The following SMIM19 variants were observed in gnomAD, a reference collection of about 807,000 sequenced individuals.
SMIM19 encodes small integral membrane protein 19.
Under a neutral mutation model 13.2 loss-of-function variants are expected in SMIM19, and 6 were observed. That is an observed-to-expected ratio of 0.45 (90% CI 0.25 to 0.90). The LOEUF is 0.90. Among genes scored for constraint, SMIM19 ranks in the 40% least tolerant of loss-of-function variants. The pLI, the probability that SMIM19 is intolerant of heterozygous loss-of-function variation, is 0.19. For missense variants in SMIM19, 138 were observed against 131.0 expected (o/e 1.05, Z -0.26); for synonymous variants, 46 against 43.1 (o/e 1.07, Z -0.27).
chr8:42,550,175 G>A (rs1213186448), intron 3 of SMIM19, among the ~76,000 whole-genome samples: 2 of 151,900 alleles, frequency 1.3e-5, no homozygotes, highest in East Asian at 1.9e-4. Context: ...TTATTGACAC[G>A]TACACAAAAG....
chr8:42,547,799 TC>T (rs1449861105), intron 2 of SMIM19, among the ~76,000 whole-genome samples: 6 of 152,180 alleles, frequency 3.9e-5, no homozygotes, highest in Non-Finnish European at 8.8e-5. Context: ...TTTTCCACAT[TC>T]CCTGGCTCCT....
chr8:42,542,638 C>T (rs1199530431), intron 1 of SMIM19, among the ~76,000 whole-genome samples: 2 of 152,028 alleles, frequency 1.3e-5, no homozygotes, highest in Non-Finnish European at 2.9e-5. Context: ...GATTTTAAAG[C>T]TTATGATACA....
intron 2 of SMIM19, among the ~76,000 whole-genome samples, chr8:42,548,180 C>T (rs996023642): frequency 2.6e-5 from 4 of 152,132 alleles, no homozygotes; most frequent in Non-Finnish European, 5.9e-5. Flanking sequence ...AGCAGAGGCA[C>T]GCTGTTCTTA....
intron 1 of SMIM19, among the ~76,000 whole-genome samples, chr8:42,545,038 G>A (rs1489629755): frequency 1.3e-5 from 2 of 152,180 alleles, no homozygotes; most frequent in African/African-American, 4.8e-5. Context: ...GAAAATGACT[G>A]ATTCTCAGAA....
At chr8:42,543,513 T>G (rs1193372466) in intron 1 of SMIM19, among the ~76,000 whole-genome samples, 1 of 152,250 alleles carries the variant, frequency 6.6e-6, no homozygotes, top group East Asian at 1.9e-4. Context: ...ATATAGGTTG[T>G]ATAATTCACG....
chr8:42,545,334 G>A (rs1237704989), intron 1 of SMIM19, among the ~76,000 whole-genome samples: 2 of 152,218 alleles, frequency 1.3e-5, no homozygotes, highest in Non-Finnish European at 1.5e-5. Context: ...TGTCACAGCT[G>A]TGTCAATAGC....
intron 3 of SMIM19, among the ~76,000 whole-genome samples, chr8:42,551,531 C>T (rs1197680301): frequency 6.6e-6 from 1 of 151,970 alleles, no homozygotes; most frequent in Non-Finnish European, 1.5e-5. Flanking sequence ...CAACAATAAG[C>T]CTGTTAGGTT....
chr8:42,547,435 A>G (rs753989267), intron 2 of SMIM19, among the ~76,000 whole-genome samples: 3 of 152,142 alleles, frequency 2.0e-5, no homozygotes, highest in Non-Finnish European at 4.4e-5. Context: ...CAGCTGCACT[A>G]AACTCTCAAT....
chr8:42,548,892 T>A (rs899466604), intron 3 of SMIM19, 112 bp downstream of exon 3: 2 of 1,149,582 alleles, frequency 1.7e-6, no homozygotes, highest in Non-Finnish European at 2.4e-6. Context: ...GAAAACTTAG[T>A]ACTTCTTTCA....
chr8:42,553,535 C>T lies in SMIM19; in HGVS notation c.*927C>T, dbSNP rs776395762. The T allele has an allele frequency of 1.3e-5, 2 of 152,178 alleles. No homozygotes were observed. The highest frequency in any genetic ancestry group is 2.9e-5 in the Non-Finnish European group (2 of 68,038). 9.4% of individuals were successfully genotyped at this position (152,178 alleles called of 1,614,324 possible). ...GGCATGCTAAGCTTTCCTAAAGAGC[C>T]TCATATCTTTTCCCATGCTGTACTG... On this transcript the variant is annotated 3_prime_UTR_variant, in exon 4 of 4. Coordinates refer to ENST00000417410, the MANE Select transcript of SMIM19 (RefSeq NM_001135674.2).
At chr8:42,546,259 T>C (rs1813478223) in intron 1 of SMIM19, among the ~76,000 whole-genome samples, 1 of 152,252 alleles carries the variant, frequency 6.6e-6, no homozygotes, top group South Asian at 2.1e-4. Context: ...TGGTTGATTA[T>C]GTGGATGCAG....
At position 42,541,778 on chromosome 8, in the gene SMIM19, C is replaced by T. The variant is rs1267808341; in HGVS notation, c.-600C>T. ...GTCACCCGGCCCCGCCCCGCGCCGC[C>T]CGCCCCGCCCCGGACGCGGGGGTAA... On this transcript the variant is annotated 5_prime_UTR_variant, in exon 1 of 4. Coordinates refer to ENST00000417410, the MANE Select transcript of SMIM19 (RefSeq NM_001135674.2). 1.3e-5 allele frequency: 2 copies of T among 150,276 alleles called. No individual in the cohort carries two copies. The highest frequency in any genetic ancestry group is 2.1e-4 in the South Asian group (1 of 4,832). 9.3% of individuals were successfully genotyped at this position (150,276 alleles called of 1,614,324 possible).
intron 2 of SMIM19, among the ~76,000 whole-genome samples, chr8:42,547,204 A>T (rs999574447): frequency 7.9e-5 from 12 of 151,992 alleles, no homozygotes; most frequent in African/African-American, 2.2e-4. Flanking sequence ...TACTAAAAAT[A>T]AAAAAATTAG....
At position 42,541,737 on chromosome 8, in the gene SMIM19, T is replaced by C. The variant is rs1473084344; in HGVS notation, c.-641T>C. On this transcript the variant is annotated 5_prime_UTR_variant, in exon 1 of 4. Transcript: ENST00000417410. ...GGCCCCGCGTCCCCGCTTCTCCCGG[T>C]CCCCGGCGGGGCCGCGTCACCCGGC... 1 of 146,708 alleles carries C rather than the reference T, an allele frequency of 6.8e-6. No homozygotes were observed. Among genetic ancestry groups the C allele is most frequent in the Non-Finnish European group, 1.5e-5 (1 of 66,350 alleles). 9.1% of individuals were successfully genotyped at this position (146,708 alleles called of 1,614,324 possible). A position where few individuals can be genotyped will look rare whatever the true frequency, so the allele number is the denominator to read the frequency against.
chr8:42,554,240 T>C lies in SMIM19; in HGVS notation c.*1632T>C, dbSNP rs2131502143. The C allele has an allele frequency of 6.6e-6, 1 of 152,318 alleles. No homozygotes were observed. The highest frequency in any genetic ancestry group is 3.4e-3 in the Middle Eastern group (1 of 294). 9.4% of individuals were successfully genotyped at this position (152,318 alleles called of 1,614,324 possible). A position where few individuals can be genotyped will look rare whatever the true frequency, so the allele number is the denominator to read the frequency against. On this transcript the variant is annotated 3_prime_UTR_variant, in exon 4 of 4. Coordinates refer to ENST00000417410, the MANE Select transcript of SMIM19 (RefSeq NM_001135674.2). ...GTTGAATTTAAATCTGACTAAAGGA[T>C]TGTAAACAGTTGTAATTATGGGTTG... is the stretch of plus-strand genomic sequence containing the variant.
chr8:42,554,672 T>C lies in SMIM19; in HGVS notation c.*2064T>C, dbSNP rs996174383. On this transcript the variant is annotated 3_prime_UTR_variant, in exon 4 of 4. Transcript: ENST00000417410. Reference sequence around the variant, plus strand: ...TCTCTTCCCTGCTTCAACAGCTGAATTGGGGAGAGCGCAAGCCCTGCAGCC... The same window carrying C: ...TCTCTTCCCTGCTTCAACAGCTGAACTGGGGAGAGCGCAAGCCCTGCAGCC... The C allele has an allele frequency of 3.3e-5, 5 of 152,184 alleles. No homozygotes were observed. The highest frequency in any genetic ancestry group is 7.3e-5 in the Non-Finnish European group (5 of 68,038). 9.4% of individuals were successfully genotyped at this position (152,184 alleles called of 1,614,324 possible).
intron 1 of SMIM19, 113 bp downstream of exon 1, chr8:42,542,486 A>G: frequency 1.0e-6 from 1 of 984,924 alleles, no homozygotes; most frequent in Non-Finnish European, 1.2e-6. Context: ...CTAGGAACTA[A>G]GTGGTTCCAA....
chr8:42,549,072 T>C (rs1208510235), intron 3 of SMIM19, among the ~76,000 whole-genome samples: 1 of 152,174 alleles, frequency 6.6e-6, no homozygotes, highest in Non-Finnish European at 1.5e-5. Flanking sequence ...CATGAATGAA[T>C]AAACAAAGTG....
In SMIM19 at chr8:42,555,070, T is replaced by A. The variant is rs899244970; in HGVS notation, c.*2462T>A. 2.0e-5 allele frequency: 3 copies of A among 152,230 alleles called. No individual in the cohort carries two copies. Among genetic ancestry groups the A allele is most frequent in the Non-Finnish European group, 4.4e-5 (3 of 68,044 alleles). The allele number at this position is 152,230 out of a possible 1,614,324, so 9.4% of individuals were successfully genotyped here. A position where few individuals can be genotyped will look rare whatever the true frequency, so the allele number is the denominator to read the frequency against. ...TGCAAGGTTTATGGTAAAACTGCTG[T>A]ACAATCAGAAGTATTTTAAGTATGC... On this transcript the variant is annotated 3_prime_UTR_variant, in exon 4 of 4. Transcript: ENST00000417410.
Sources: gnomAD v4.1 joint callset for allele counts (sites outside exome capture counted in the v4.1 genomes callset) on GRCh38, gnomAD v4.1.1 for gene constraint, MANE v1.5 for transcripts, NCBI Gene and HGNC (gene_info 2026-07-23, HGNC 2026-07-21) for gene names.